The following TLE3 variants were observed in gnomAD, a reference collection of about 807,000 sequenced individuals.
TLE3 encodes transducin-like enhancer protein 3.
In TLE3, 14 loss-of-function variants were observed where a neutral mutation model predicts 93.0. That is an observed-to-expected ratio of 0.15 (90% confidence interval 0.10 to 0.24). The LOEUF is 0.24. Among genes scored for constraint, TLE3 ranks in the 10% least tolerant of loss-of-function variants. The pLI is 1.00. For synonymous variants in TLE3, 451 were observed against 425.0 expected (o/e 1.06, Z -0.75); for missense variants, 693 against 1,046.6 (o/e 0.66, Z 4.66).
chr15:70,062,754 C>T (rs978925579), intron 8 of TLE3, among the ~76,000 whole-genome samples: 7 of 151,826 alleles, frequency 4.6e-5, no homozygotes, highest in Admixed American at 3.3e-4. Flanking sequence ...CTGATTATTT[C>T]AGTCTACACC....
intron 15 of TLE3, 51 bp from the exon 16 acceptor site, chr15:70,054,736 AC>A: frequency 6.6e-7 from 1 of 1,505,674 alleles, no homozygotes; most frequent in Non-Finnish European, 8.9e-7. Context: ...CCTCCTGGGC[AC>A]CAGGAGAGTC....
chr15:70,058,081 G>GT lies in TLE3; in HGVS notation c.1051+77dup, dbSNP rs1442469488. ...CCTGTGCTCTATCCCATGCGTGTGT[G>GT]TCACCCCTGCCCTGGCCAAGAGCAG... On this transcript the variant is annotated intron_variant, in intron 12 of 19. Coordinates refer to ENST00000451782, the MANE Select transcript of TLE3 (RefSeq NM_001105192.3). This position sits in a 1 kb window ranked among gnomAD's most constrained non-coding sequence, Gnocchi z 4.1. 1 of 1,601,636 alleles carries GT rather than the reference G, an allele frequency of 6.2e-7. No homozygotes were observed. Among genetic ancestry groups the GT allele is most frequent in the Non-Finnish European group, 8.5e-7 (1 of 1,173,424 alleles).
chr15:70,052,725 G>T, intron 17 of TLE3: 1 of 419,108 alleles, frequency 2.4e-6, no homozygotes, highest in Non-Finnish European at 4.1e-6. Context: ...CAGTTACTCT[G>T]TCTCTGAGAC....
At chr15:70,055,949 G>C (rs2055982079) in intron 14 of TLE3, 2 of 409,928 alleles carry the variant, frequency 4.9e-6, no homozygotes, top group Non-Finnish European at 9.1e-6. Context: ...GCGGCACTGG[G>C]GCCTTCCCAG....
intron 4 of TLE3, among the ~76,000 whole-genome samples, chr15:70,092,637 T>A (rs970626570): frequency 6.6e-6 from 1 of 152,232 alleles, no homozygotes; most frequent in African/African-American, 2.4e-5. Flanking sequence ...AGAACCTTGT[T>A]TGGGGAATGG....
intron 6 of TLE3, among the ~76,000 whole-genome samples, chr15:70,074,024 AGCCAGGCAGCTTCGCGCATGG>A (rs2057315826): frequency 6.6e-6 from 1 of 152,264 alleles, no homozygotes; most frequent in Non-Finnish European, 1.5e-5. Flanking sequence ...ATGAATGCTC[AGCCAGGCAGCTTCGCGCATGG>A]GACAGCAAGA....
intron 8 of TLE3, among the ~76,000 whole-genome samples, chr15:70,061,901 G>A (rs1028735520): frequency 6.6e-6 from 1 of 150,414 alleles, no homozygotes; most frequent in Non-Finnish European, 1.5e-5. Context: ...GAGACCCAGA[G>A]GGACATCTGT....
intron 1 of TLE3, 44 bp downstream of exon 1, chr15:70,096,731 C>G (rs775164681): frequency 5.6e-6 from 9 of 1,609,790 alleles, no homozygotes; most frequent in African/African-American, 4.0e-5. Context: ...CTCGTTTACC[C>G]TGCCATGATA....
In TLE3 at chr15:70,059,439, C is replaced by T; in HGVS notation, c.736G>A (p.Asp246Asn). The T allele has an allele frequency of 6.2e-7, 1 of 1,611,240 alleles. No individual in the cohort carries two copies. Among genetic ancestry groups the T allele is most frequent in the Non-Finnish European group, 8.5e-7 (1 of 1,178,694 alleles). ...TTGGAAACATCCACCACCAGATCAT[C>T]ACTCTTGTCTCCATCACTGTCCTGC... is the stretch of plus-strand genomic sequence containing the variant. ...SRYDSDGDKS[D>N]DLVVDVSNED... The change falls in exon 10 of 20, where the codon GAT (aspartate) becomes AAT (asparagine). Residue 246 changes from aspartate (D) to asparagine (N), a missense_variant. Physicochemically the swap from Asp to Asn is conservative, Grantham distance 23. Coordinates refer to ENST00000451782, the MANE Select transcript of TLE3 (RefSeq NM_001105192.3).
intron 4 of TLE3, among the ~76,000 whole-genome samples, chr15:70,087,900 C>CG (rs1891633379): frequency 6.6e-6 from 1 of 152,198 alleles, no homozygotes; most frequent in South Asian, 2.1e-4. Context: ...GTGGACTAGC[C>CG]GGGCCCCCTG....
chr15:70,068,235 T>C (rs2056940537), intron 6 of TLE3, among the ~76,000 whole-genome samples: 1 of 152,210 alleles, frequency 6.6e-6, no homozygotes, highest in African/African-American at 2.4e-5. Flanking sequence ...TAAATCTGCC[T>C]AGGTTTTTCT....
Position 70,066,156 on chromosome 15 carries a change from T to A in TLE3, c.435A>T (p.Pro145=). 2 of 1,548,378 alleles carry A rather than the reference T, an allele frequency of 1.3e-6. No individual in the cohort carries two copies. The highest frequency in any genetic ancestry group is 1.7e-6 in the Non-Finnish European group (2 of 1,148,098). ...GAGGCTGGAGACCTGACGGGTGGGG[T>A]GGCAACTGGACCGGGGGGCCGTGTG... The part of the protein sequence containing the change: ...HATHGPPVQL[P]PHPSGLQPPG... The change falls in exon 7 of 20, where the codon CCA becomes CCT. Residue 145 remains proline, a synonymous_variant. Coordinates refer to ENST00000451782, the MANE Select transcript of TLE3 (RefSeq NM_001105192.3).
At position 70,060,666 on chromosome 15, in the gene TLE3, G is replaced by A. The variant is rs200036101; in HGVS notation, c.595-17C>T. Reference sequence around the variant, plus strand: ...AGAGTTATTCTGGAAGGAAAAAGAGGGTTCGGGGTTAAAACTTTCTGCTGC... The same window carrying A: ...AGAGTTATTCTGGAAGGAAAAAGAGAGTTCGGGGTTAAAACTTTCTGCTGC... On this transcript the variant is annotated splice_polypyrimidine_tract_variant and intron_variant, in intron 8 of 19. Coordinates refer to ENST00000451782, the MANE Select transcript of TLE3 (RefSeq NM_001105192.3). 89 of 1,612,804 alleles carry A rather than the reference G, an allele frequency of 5.5e-5. No homozygotes were observed. Among genetic ancestry groups the A allele is most frequent in the South Asian group, 4.5e-4 (41 of 91,052 alleles).
rs1045754681 is a variant in TLE3, at chr15:70,058,932, A to G, written c.766-117T>C. 3 of 1,371,876 alleles carry G rather than the reference A, an allele frequency of 2.2e-6. No individual in the cohort carries two copies. In the African/African-American group the frequency reaches 4.4e-5, roughly 20 times the overall value. The allele number at this position is 1,371,876 out of a possible 1,614,324, so 85.0% of individuals were successfully genotyped here. Reference sequence around the variant, plus strand: ...CGATGGGAAGACGAGCTTGGCTGAAAGACTGGGGGCCCCACAGTGAGGAAA... The same window carrying G: ...CGATGGGAAGACGAGCTTGGCTGAAGGACTGGGGGCCCCACAGTGAGGAAA... On this transcript the variant is annotated intron_variant, in intron 10 of 19. Transcript: ENST00000451782. This position sits in a 1 kb window ranked among gnomAD's most constrained non-coding sequence, Gnocchi z 4.1.
chr15:70,052,249 CAGGAG>C, intron 18 of TLE3, 120 bp downstream of exon 18: 1 of 1,255,964 alleles, frequency 8.0e-7, no homozygotes, highest in Non-Finnish European at 1.1e-6. Context: ...GCTCAGGGGT[CAGGAG>C]GCCTGGTTCC....
chr15:70,097,878 G>A lies in TLE3; in HGVS notation c.-1080C>T, dbSNP rs903370791. ...ACAGACAGGCGAAGGGGACGAGCAC[G>A]AGGTCTGAACTGCCGCGAGAGCAGT... On this transcript the variant is annotated 5_prime_UTR_variant, in exon 1 of 20. Coordinates refer to ENST00000451782, the MANE Select transcript of TLE3 (RefSeq NM_001105192.3). The A allele has an allele frequency of 3.2e-6, 1 of 311,106 alleles. No individual in the cohort carries two copies. The highest frequency in any genetic ancestry group is 2.1e-5 in the African/African-American group (1 of 46,590). 19.3% of individuals were successfully genotyped at this position (311,106 alleles called of 1,614,324 possible). A position where few individuals can be genotyped will look rare whatever the true frequency, so the allele number is the denominator to read the frequency against.
chr15:70,055,076 C>G lies in TLE3; in HGVS notation c.1551G>C (p.Lys517Asn). The G allele has an allele frequency of 6.2e-7, 1 of 1,613,400 alleles. No homozygotes were observed. Among genetic ancestry groups the G allele is most frequent in the Non-Finnish European group, 8.5e-7 (1 of 1,179,680 alleles). ...GGCAGTCCAGCTGGGAGATGGGGCTCTTGCTGCCTGGCTGGCTGATGTCCC... is the reference window on the plus strand; with the variant it reads ...GGCAGTCCAGCTGGGAGATGGGGCTGTTGCTGCCTGGCTGGCTGATGTCCC... ...KIWDISQPGS[K>N]SPISQLDCLN... The change falls in exon 15 of 20, where the codon AAG (lysine) becomes AAC (asparagine). Residue 517 changes from lysine (K) to asparagine (N), a missense_variant. Lys to Asn is a moderately conservative substitution (Grantham distance 94). This residue lies in a region of TLE3 where 153 missense variants were observed against 379.9 expected (regional missense o/e 0.40). Transcript: ENST00000451782.
chr15:70,075,707 C>T (rs2057407715), intron 5 of TLE3, among the ~76,000 whole-genome samples: 1 of 152,212 alleles, frequency 6.6e-6, no homozygotes, highest in Non-Finnish European at 1.5e-5. Flanking sequence ...TAGAAAGTGA[C>T]ATGACCACCT....
rs907501738 is a variant in TLE3 at position 70,097,453 on chromosome 15, T to TGCCGCCGCC, written c.-664_-656dup. On this transcript the variant is annotated 5_prime_UTR_variant, in exon 1 of 20. Transcript: ENST00000451782. ...CTGCTGTTCCGTCTGCTACTGCCGC[T>TGCCGCCGCC]GCCGCCGCCGCCGCCGCCGCTGCAA... 7.2e-6 allele frequency: 3 copies of TGCCGCCGCC among 416,462 alleles called. No individual in the cohort carries two copies. The highest frequency in any genetic ancestry group is 6.2e-5 in the African/African-American group (3 of 48,658). The allele number at this position is 416,462 out of a possible 1,614,324, so 25.8% of individuals were successfully genotyped here.
Sources: allele counts gnomAD v4.1 joint callset (sites outside exome capture counted in the v4.1 genomes callset), GRCh38; gene constraint gnomAD v4.1.1; regional missense constraint gnomAD v4.1.1; non-coding constraint Gnocchi (gnomAD v3.1); transcripts MANE v1.5; gene names NCBI Gene and HGNC (gene_info 2026-07-23, HGNC 2026-07-21).